Variants in DMD observed in about 807,000 individuals in gnomAD.
DMD encodes the protein dystrophin.
Under a neutral mutation model 330.1 loss-of-function variants are expected in DMD, and 63 were observed. That is an observed-to-expected ratio of 0.19 (90% CI 0.16 to 0.24). DMD has a LOEUF of 0.24. DMD is among the 10% of genes least tolerant of loss of function. The pLI, the probability that DMD is intolerant of heterozygous loss-of-function variation, is 1.00. For missense variants in DMD, 3,344 were observed against 2,684.1 expected (o/e 1.25, Z -5.43); for synonymous variants, 1,223 against 959.8 (o/e 1.27, Z -5.07).
At chrX:32,262,436 A>G (rs2097327100) in intron 43 of DMD, among the ~76,000 whole-genome samples, 1 of 111,446 alleles carries the variant, frequency 9.0e-6, no homozygotes, top group African/African-American at 3.3e-5. Context: ...TAATAGTTTC[A>G]CTGGTATTTG....
At chrX:31,766,049 G>A (rs1464088859) in intron 51 of DMD, among the ~76,000 whole-genome samples, 1 of 110,796 alleles carries the variant, frequency 9.0e-6, no homozygotes, top group Non-Finnish European at 1.9e-5. Context: ...ATGGTGAAAT[G>A]GAAAGCCTAA....
chrX:32,200,639 A>T (rs1311299114), intron 44 of DMD, among the ~76,000 whole-genome samples: 1 of 112,090 alleles, frequency 8.9e-6, no homozygotes, highest in Non-Finnish European at 1.9e-5. Context: ...TCATAGCCAC[A>T]TTTTTAAAAG....
intron 51 of DMD, among the ~76,000 whole-genome samples, chrX:31,738,672 C>T (rs1218951080): frequency 8.9e-6 from 1 of 112,055 alleles, no homozygotes; most frequent in Non-Finnish European, 1.9e-5. Context: ...TTGGAAGCAA[C>T]CTAAGTGTCC....
At chrX:31,495,756 T>C (rs1415120989) in intron 57 of DMD, among the ~76,000 whole-genome samples, 1 of 111,622 alleles carries the variant, frequency 9.0e-6, no homozygotes, top group Non-Finnish European at 1.9e-5. Context: ...ATTATCACAC[T>C]GCAACCCCTA....
At chrX:33,190,942 A>T (rs372136764) in intron 1 of DMD, among the ~76,000 whole-genome samples, 3 of 1,050 alleles carry the variant, frequency 2.9e-3, no homozygotes, top group South Asian at 0.042. Context: ...ATATATATAT[A>T]ATATATAATA....
intron 13 of DMD, among the ~76,000 whole-genome samples, chrX:32,589,656 G>A (rs1000873652): frequency 9.0e-6 from 1 of 110,981 alleles, no homozygotes; most frequent in East Asian, 2.8e-4. Flanking sequence ...TAATTCAACT[G>A]ATTTATACTA....
chrX:31,623,144 C>T (rs2078649635), intron 55 of DMD, among the ~76,000 whole-genome samples: 1 of 110,764 alleles, frequency 9.0e-6, no homozygotes. Context: ...CCAAGAAATA[C>T]GATACTCCAA....
intron 43 of DMD, among the ~76,000 whole-genome samples, chrX:32,278,471 A>T (rs2097399551): frequency 9.0e-6 from 1 of 111,402 alleles, no homozygotes; most frequent in South Asian, 3.8e-4. Context: ...AAATTTTCGC[A>T]ACCTACTCAT....
chrX:32,310,927 T>A (rs2097559912), intron 41 of DMD, among the ~76,000 whole-genome samples: 1 of 111,047 alleles, frequency 9.0e-6, no homozygotes, highest in African/African-American at 3.3e-5. Flanking sequence ...CAGAATGTCC[T>A]GATATATAAG....
intron 7 of DMD, among the ~76,000 whole-genome samples, chrX:32,765,514 C>G (rs953206706): frequency 9.0e-6 from 1 of 111,322 alleles, no homozygotes; most frequent in Non-Finnish European, 1.9e-5. Context: ...AATTAAACCT[C>G]TTTTCTTTAT....
intron 62 of DMD, among the ~76,000 whole-genome samples, chrX:31,279,262 A>C (rs1404487143): frequency 8.9e-6 from 1 of 112,703 alleles, no homozygotes; most frequent in Non-Finnish European, 1.9e-5. Context: ...GATTACTCAC[A>C]AAGCATGAAT....
In DMD at chrX:31,537,398, G is replaced by T. The variant is rs762197763; in HGVS notation, c.8218-29945C>A. On this transcript the variant is annotated intron_variant, in intron 55 of 78. Coordinates refer to ENST00000357033, the MANE Select transcript of DMD (RefSeq NM_004006.3). Reference sequence around the variant, plus strand: ...ACTCCTAGGCCCTCTTCTCATCTACGAACTTTACTCTGAACCATTTCAAAC... The same window carrying T: ...ACTCCTAGGCCCTCTTCTCATCTACTAACTTTACTCTGAACCATTTCAAAC... 5.4e-5 allele frequency among the ~76,000 whole-genome samples: 6 copies of T among 111,312 alleles called. No individual in the cohort carries two copies. In the South Asian group the frequency reaches 2.3e-3, roughly 42 times the overall value.
At chrX:33,054,148 T>C (rs894334404) in intron 1 of DMD, among the ~76,000 whole-genome samples, 5 of 112,071 alleles carry the variant, frequency 4.5e-5, no homozygotes, top group Non-Finnish European at 7.5e-5. Flanking sequence ...GTAACAGCCA[T>C]GGAAACAGAA....
intron 2 of DMD, among the ~76,000 whole-genome samples, chrX:33,006,584 AAG>A (rs1250162134): frequency 2.7e-5 from 3 of 111,586 alleles, no homozygotes; most frequent in African/African-American, 9.7e-5. Flanking sequence ...ATCAGATCAG[AAG>A]AGAGACAAAG....
intron 1 of DMD, among the ~76,000 whole-genome samples, chrX:33,103,340 G>A: frequency 9.0e-6 from 1 of 110,892 alleles, no homozygotes; most frequent in African/African-American, 3.3e-5. Context: ...ACGCCCAGAT[G>A]GCCTGAAGTA....
chrX:31,995,894 A>G (rs2095582248), intron 44 of DMD, among the ~76,000 whole-genome samples: 1 of 112,162 alleles, frequency 8.9e-6, no homozygotes, highest in Non-Finnish European at 1.9e-5. Flanking sequence ...CATCTTTGCA[A>G]CTATTTTCTA....
rs2032028704 is a variant in DMD at position 31,119,757 on chromosome X, T to TAAAG, written c.*2158_*2161dup. On this transcript the variant is annotated 3_prime_UTR_variant, in exon 79 of 79. Coordinates refer to ENST00000357033, the MANE Select transcript of DMD (RefSeq NM_004006.3). ...AATCTGAGTTTTAAAAATCCTTGGGTAAAGAAAAGGTCCAGCGTCACATAA... is the reference window on the plus strand; with the variant it reads ...AATCTGAGTTTTAAAAATCCTTGGGTAAAGAAAGAAAAGGTCCAGCGTCACATAA... 9.0e-6 allele frequency: 1 copy of TAAAG among 110,815 alleles called. No homozygotes were observed. The highest frequency in any genetic ancestry group is 1.9e-5 in the Non-Finnish European group (1 of 52,961). The allele number at this position is 110,815 out of a possible 1,213,427, so 9.1% of individuals were successfully genotyped here.
intron 55 of DMD, among the ~76,000 whole-genome samples, chrX:31,616,355 CAA>C (rs2078199996): frequency 4.5e-5 from 5 of 111,475 alleles, no homozygotes; most frequent in Admixed American, 2.9e-4. Context: ...AGACAAAAAA[CAA>C]GATCATCGAA....
At chrX:31,624,308 T>C (rs2078720169) in intron 55 of DMD, among the ~76,000 whole-genome samples, 1 of 111,893 alleles carries the variant, frequency 8.9e-6, no homozygotes, top group Admixed American at 9.5e-5. Context: ...TTGATTTTAG[T>C]AAGGAAAGTG....
Sources: gnomAD v4.1 joint callset for allele counts (sites outside exome capture counted in the v4.1 genomes callset) on GRCh38, gnomAD v4.1.1 for gene constraint, MANE v1.5 for transcripts, NCBI Gene and HGNC (gene_info 2026-07-23, HGNC 2026-07-21) for gene names.